Variants in ARHGEF38 observed in about 807,000 individuals in gnomAD.
ARHGEF38 encodes Rho guanine nucleotide exchange factor 38.
ARHGEF38 carries 79 observed loss-of-function variants against 79.9 expected under a neutral mutation model. That is an observed-to-expected ratio of 0.99 (90% CI 0.82 to 1.19). ARHGEF38 has a LOEUF of 1.19. Among genes scored for constraint, ARHGEF38 ranks in the 50% most tolerant of loss-of-function variants. The pLI is 0.00. For missense variants in ARHGEF38, 962 were observed against 907.2 expected (o/e 1.06, Z -0.78); for synonymous variants, 366 against 328.3 (o/e 1.11, Z -1.24).
intron 3 of ARHGEF38, among the ~76,000 whole-genome samples, chr4:105,628,427 G>A (rs907817999): frequency 2.0e-5 from 3 of 152,124 alleles, no homozygotes; most frequent in African/African-American, 4.8e-5. Flanking sequence ...TTGCTACCTG[G>A]TTCTGCTACT....
In ARHGEF38 at chr4:105,566,452, T is replaced by C. The variant is rs534478342; in HGVS notation, c.196+13491T>C. ...TTTTTGTGGGTACATAATAGGTGCA[T>C]ATATTTATGGGTTACATGAGATATT... On this transcript the variant is annotated intron_variant, in intron 1 of 13. Coordinates refer to ENST00000420470, the MANE Select transcript of ARHGEF38 (RefSeq NM_001242729.2). 2.0e-5 allele frequency among the ~76,000 whole-genome samples: 3 copies of C among 152,292 alleles called. No individual in the cohort carries two copies. In the South Asian group the frequency reaches 6.2e-4, roughly 32 times the overall value.
At chr4:105,682,504 T>C (rs925129464), downstream of ARHGEF38, 13 of 434,488 alleles carry the variant, frequency 3.0e-5, no homozygotes, top group African/African-American at 2.4e-4. Context: ...CCAGTCATTC[T>C]AATCATTGTT....
At chr4:105,596,945 G>A (rs1041226848) in intron 2 of ARHGEF38, among the ~76,000 whole-genome samples, 4 of 152,122 alleles carry the variant, frequency 2.6e-5, no homozygotes, top group East Asian at 1.9e-4. Context: ...CTGCTTACTC[G>A]GCTCTAAATT....
At chr4:105,634,272 T>C (rs1016233314) in intron 4 of ARHGEF38, among the ~76,000 whole-genome samples, 12 of 152,276 alleles carry the variant, frequency 7.9e-5, no homozygotes, top group Non-Finnish European at 1.5e-4. Flanking sequence ...TCAATATAGA[T>C]ACAATCTAAG....
Position 105,667,593 on chromosome 4 carries a change from G to C in ARHGEF38, c.2038G>C (p.Gly680Arg). ...SSRPASDSVT[G>R]TSESSIGDSS... ...ACGGCCAGCTAGTGACAGTGTCACAGGCACCTCAGAAAGCAGCATTGGTGA... is the reference window on the plus strand; with the variant it reads ...ACGGCCAGCTAGTGACAGTGTCACACGCACCTCAGAAAGCAGCATTGGTGA... Residue 680 changes from glycine to arginine, a missense_variant, in exon 13 of 14, where the codon GGC becomes CGC. By Grantham distance (125) the Gly-to-Arg change is moderately radical (BLOSUM62 -2). Coordinates refer to ENST00000420470, the MANE Select transcript of ARHGEF38 (RefSeq NM_001242729.2). 2 of 1,536,706 alleles carry C rather than the reference G, an allele frequency of 1.3e-6. No homozygotes were observed. The highest frequency in any genetic ancestry group is 1.7e-6 in the Non-Finnish European group (2 of 1,147,044).
At chr4:105,636,713 T>C (rs961624036) in intron 5 of ARHGEF38, among the ~76,000 whole-genome samples, 1 of 152,114 alleles carries the variant, frequency 6.6e-6, no homozygotes, top group Admixed American at 6.6e-5. Flanking sequence ...GGAATCTTAA[T>C]GTGTCCAAAA....
At chr4:105,613,577 TG>T in intron 3 of ARHGEF38, 70 bp downstream of exon 3, 1 of 1,563,840 alleles carries the variant, frequency 6.4e-7, no homozygotes, top group South Asian at 1.2e-5. Context: ...CCCTTTGCTT[TG>T]GTTTTTTGTT....
At chr4:105,644,868 T>C (rs1331413517) in intron 5 of ARHGEF38, among the ~76,000 whole-genome samples, 1 of 152,186 alleles carries the variant, frequency 6.6e-6, no homozygotes, top group African/African-American at 2.4e-5. Context: ...TAAAATACGT[T>C]CTGAAATTGT....
intron 1 of ARHGEF38, among the ~76,000 whole-genome samples, chr4:105,585,018 A>T (rs908539346): frequency 4.6e-5 from 7 of 151,642 alleles, no homozygotes; most frequent in Non-Finnish European, 4.4e-5. Flanking sequence ...CAGCATCCCT[A>T]TTTTTTTTCC....
At chr4:105,663,383 T>A (rs1237821147) in intron 10 of ARHGEF38, among the ~76,000 whole-genome samples, 2 of 152,220 alleles carry the variant, frequency 1.3e-5, no homozygotes, top group Non-Finnish European at 2.9e-5. Flanking sequence ...GTGTTAAGTA[T>A]ACTTATATTG....
intron 1 of ARHGEF38, among the ~76,000 whole-genome samples, chr4:105,582,419 T>G (rs1424934575): frequency 6.6e-6 from 1 of 152,034 alleles, no homozygotes; most frequent in Non-Finnish European, 1.5e-5. Flanking sequence ...ACATTCCACA[T>G]GTTTTAATTT....
intron 1 of ARHGEF38, among the ~76,000 whole-genome samples, chr4:105,557,816 A>AT (rs1725323029): frequency 1.3e-5 from 2 of 152,054 alleles, no homozygotes; most frequent in Non-Finnish European, 2.9e-5. Context: ...TCTCTAATAT[A>AT]TTTGTTATAG....
At chr4:105,659,849 TTGTGTGTGTG>T (rs59465723) in intron 10 of ARHGEF38, among the ~76,000 whole-genome samples, 1,455 of 133,230 alleles carry the variant, frequency 0.011, 34 homozygotes, top group African/African-American at 0.041. Flanking sequence ...AAGCCTGGTT[TTGTGTGTGTG>T]TGTGTGTGTG....
intron 7 of ARHGEF38, among the ~76,000 whole-genome samples, chr4:105,653,412 T>A (rs1331181529): frequency 6.6e-6 from 1 of 151,794 alleles, no homozygotes; most frequent in Non-Finnish European, 1.5e-5. Flanking sequence ...ACCCTCCGTC[T>A]TCCGGGTTCA....
chr4:105,645,536 T>A, intron 6 of ARHGEF38, 149 bp downstream of exon 6: 1 of 699,462 alleles, frequency 1.4e-6, no homozygotes, highest in Non-Finnish European at 2.2e-6. Flanking sequence ...AAGAGTGTGG[T>A]TTTGCCTTGT....
At chr4:105,558,816 C>T (rs918567547) in intron 1 of ARHGEF38, among the ~76,000 whole-genome samples, 2 of 144,518 alleles carry the variant, frequency 1.4e-5, no homozygotes, top group Admixed American at 1.4e-4. Context: ...TCTAGTTGTG[C>T]TTTTTTTTTT....
At chr4:105,600,747 T>C (rs1486191242) in intron 2 of ARHGEF38, among the ~76,000 whole-genome samples, 1 of 152,192 alleles carries the variant, frequency 6.6e-6, no homozygotes, top group Admixed American at 6.6e-5. Flanking sequence ...TAATTTCCTC[T>C]TTAAAACTTT....
chr4:105,649,095 G>A (rs1315571483), intron 7 of ARHGEF38, among the ~76,000 whole-genome samples: 1 of 152,020 alleles, frequency 6.6e-6, no homozygotes, highest in Non-Finnish European at 1.5e-5. Context: ...GGGTTCCCTT[G>A]ATATTCATTT....
At chr4:105,624,091 C>T (rs370072571) in intron 3 of ARHGEF38, among the ~76,000 whole-genome samples, 1 of 152,154 alleles carries the variant, frequency 6.6e-6, no homozygotes. Context: ...TTCATTGGTC[C>T]CTCTTCTTCA....
Sources: allele counts gnomAD v4.1 joint callset (sites outside exome capture counted in the v4.1 genomes callset), GRCh38; gene constraint gnomAD v4.1.1; transcripts MANE v1.5; gene names NCBI Gene and HGNC (gene_info 2026-07-23, HGNC 2026-07-21).